ZNF860: variants seen among roughly 807,000 people sequenced by gnomAD.
ZNF860 encodes zinc finger protein 860.
For synonymous variants in ZNF860, 206 were observed against 248.9 expected, an observed-to-expected ratio of 0.83 and a Z score of 1.62; for missense variants, 641 against 759.2, an observed-to-expected ratio of 0.84 and a Z score of 1.83.
downstream of ZNF860, among the ~76,000 whole-genome samples, chr3:31,992,008 T>C (rs1441767312): frequency 6.6e-6 from 1 of 151,820 alleles, no homozygotes; most frequent in Admixed American, 6.6e-5. Flanking sequence ...TAGCCAGGCG[T>C]AGTGGCACGC....
At chr3:31,997,584 G>A in the ZNF860 span, among the ~76,000 whole-genome samples, 1 of 151,730 alleles carries the variant, frequency 6.6e-6, no homozygotes, top group Non-Finnish European at 1.5e-5. Context: ...AAGAGATAAA[G>A]GAGAGTTAGT....
chr3:31,993,681 T>TAC (rs139678560), downstream of ZNF860, among the ~76,000 whole-genome samples: 3,309 of 147,230 alleles, frequency 0.022, 41 homozygotes, highest in South Asian at 0.041. Flanking sequence ...TACACACACA[T>TAC]ACACACACAC....
chr3:31,984,069 G>A lies in ZNF860; in HGVS notation c.-421+2167G>A, dbSNP rs566489188. On this transcript the variant is annotated intron_variant, in intron 1 of 1. Coordinates refer to ENST00000360311, the MANE Select transcript of ZNF860 (RefSeq NM_001137674.3). ...GTTTTTGTTTTGAGACTGGAGTCTC[G>A]CTCTGTCACCCAGGCTGGAGTGTAG... 9.9e-5 allele frequency among the ~76,000 whole-genome samples: 15 copies of A among 152,028 alleles called. No homozygotes were observed. The South Asian group carries it at 1.7e-3, about 17-fold the overall frequency.
intron 1 of ZNF860, among the ~76,000 whole-genome samples, chr3:31,985,124 A>G (rs1698917040): frequency 1.3e-5 from 2 of 152,226 alleles, no homozygotes; most frequent in South Asian, 2.1e-4. Context: ...CTGTAGTCCC[A>G]GCTACTCAGG....
intron 1 of ZNF860, among the ~76,000 whole-genome samples, chr3:31,982,873 A>G (rs986575305): frequency 1.3e-5 from 2 of 152,184 alleles, no homozygotes; most frequent in African/African-American, 4.8e-5. Flanking sequence ...CTCCACATGG[A>G]CCTTAGGCTT....
chr3:31,996,611 CTG>C (rs1415659599), downstream of ZNF860, among the ~76,000 whole-genome samples: 1 of 152,160 alleles, frequency 6.6e-6, no homozygotes, highest in African/African-American at 2.4e-5. Context: ...TAATACATCT[CTG>C]TACTCCCAGT....
chr3:32,002,907 G>A, the ZNF860 span, among the ~76,000 whole-genome samples: 13 of 152,322 alleles, frequency 8.5e-5, no homozygotes, highest in South Asian at 6.2e-4. Context: ...TTGTCTCAAT[G>A]GGGGTGACAG....
Position 31,981,797 on chromosome 3 carries a change from T to C in ZNF860, c.-526T>C, listed in dbSNP as rs1415647878. On this transcript the variant is annotated 5_prime_UTR_variant, in exon 1 of 2. Coordinates refer to ENST00000360311, the MANE Select transcript of ZNF860 (RefSeq NM_001137674.3). This position sits in a 1 kb window ranked among gnomAD's most constrained non-coding sequence, Gnocchi z 4.5. ...CCGCACACGATGCTGCGCCAGACGCTCCTACACAGTAACCTGGAAATTATC... is the reference window on the plus strand; with the variant it reads ...CCGCACACGATGCTGCGCCAGACGCCCCTACACAGTAACCTGGAAATTATC... 6.6e-6 allele frequency: 1 copy of C among 152,038 alleles called. No homozygotes were observed. The highest frequency in any genetic ancestry group is 1.5e-5 in the Non-Finnish European group (1 of 68,066). 9.4% of individuals were successfully genotyped at this position (152,038 alleles called of 1,614,324 possible).
rs1575079053 is a variant in ZNF860 at position 31,988,738 on chromosome 3, T to C, written c.-342T>C. On this transcript the variant is annotated 5_prime_UTR_variant, in exon 2 of 2. Transcript: ENST00000360311. ...ATAGCCCAGGCAGGAGGCATGAAGG[T>C]GTGCCAGCCACTGTGTCAGTCACCT... 3.3e-6 allele frequency: 1 copy of C among 299,368 alleles called. No individual in the cohort carries two copies. Among genetic ancestry groups the C allele is most frequent in the African/African-American group, 2.1e-5 (1 of 46,598 alleles). 18.5% of individuals were successfully genotyped at this position (299,368 alleles called of 1,614,324 possible).
At chr3:31,988,557 T>C (rs1377368225) in intron 1 of ZNF860, 103 bp from the exon 2 acceptor site, 3 of 161,440 alleles carry the variant, frequency 1.9e-5, no homozygotes, top group Non-Finnish European at 2.7e-5. Context: ...GCAGAAGTCA[T>C]GGTATATCAT....
the ZNF860 span, among the ~76,000 whole-genome samples, chr3:32,004,258 T>C: frequency 1.3e-5 from 2 of 151,998 alleles, no homozygotes; most frequent in East Asian, 1.9e-4. Context: ...GAGTGTCAGG[T>C]GGAGACTTTA....
chr3:31,986,847 T>G (rs577342696), intron 1 of ZNF860, among the ~76,000 whole-genome samples: 2 of 151,810 alleles, frequency 1.3e-5, no homozygotes, highest in Admixed American at 1.3e-4. Context: ...TCCAAAAAAA[T>G]TTTTAAAATA....
chr3:31,998,886 A>C, the ZNF860 span, among the ~76,000 whole-genome samples: 120 of 152,364 alleles, frequency 7.9e-4, no homozygotes, highest in African/African-American at 2.7e-3. Context: ...TTGGATAAAT[A>C]AAATTTATCC....
chr3:31,992,179 G>A (rs1209434387), downstream of ZNF860, among the ~76,000 whole-genome samples: 1 of 151,658 alleles, frequency 6.6e-6, no homozygotes, highest in African/African-American at 2.4e-5. Flanking sequence ...TCAGTGTGGT[G>A]TAGGCAAAAA....
At chr3:32,005,581 GT>G in the ZNF860 span, among the ~76,000 whole-genome samples, 22 of 151,876 alleles carry the variant, frequency 1.4e-4, no homozygotes, top group East Asian at 4.3e-3. Flanking sequence ...AATGTTTTGG[GT>G]TTTTTTTGTT....
At chr3:31,985,898 T>C (rs1182197732) in intron 1 of ZNF860, among the ~76,000 whole-genome samples, 1 of 152,242 alleles carries the variant, frequency 6.6e-6, no homozygotes, top group Non-Finnish European at 1.5e-5. Flanking sequence ...ACTCCCATTT[T>C]ACAGGCAGAG....
the ZNF860 span, among the ~76,000 whole-genome samples, chr3:31,999,823 A>G: frequency 1.3e-5 from 2 of 151,836 alleles, no homozygotes; most frequent in African/African-American, 4.8e-5. Flanking sequence ...TTGTACTGAA[A>G]CTCTCTAAAC....
At chr3:31,995,714 A>G (rs758171424), downstream of ZNF860, among the ~76,000 whole-genome samples, 1 of 152,218 alleles carries the variant, frequency 6.6e-6, no homozygotes, top group Non-Finnish European at 1.5e-5. Context: ...TTATTAGGGA[A>G]GTGATAAATG....
rs1699027427 is a variant in ZNF860, at chr3:31,991,379, A to G, written c.*401A>G. ...TCATTTAACAATATTAATCTTTCCA[A>G]TCCATCAATATGGGTCATATCTCTA... On this transcript the variant is annotated 3_prime_UTR_variant, in exon 2 of 2. Coordinates refer to ENST00000360311, the MANE Select transcript of ZNF860 (RefSeq NM_001137674.3). 5.6e-6 allele frequency: 1 copy of G among 177,620 alleles called. No individual in the cohort carries two copies. The highest frequency in any genetic ancestry group is 2.4e-5 in the African/African-American group (1 of 41,582). 11.0% of individuals were successfully genotyped at this position (177,620 alleles called of 1,614,324 possible). A position where few individuals can be genotyped will look rare whatever the true frequency, so the allele number is the denominator to read the frequency against.
Sources: gnomAD v4.1 joint callset for allele counts (sites outside exome capture counted in the v4.1 genomes callset) on GRCh38, gnomAD v4.1.1 for gene constraint, Gnocchi (gnomAD v3.1) non-coding constraint, MANE v1.5 for transcripts, NCBI Gene and HGNC (gene_info 2026-07-23, HGNC 2026-07-21) for gene names.